Variants in RNF114 observed in about 807,000 individuals in gnomAD.
RNF114 encodes the protein ring finger protein 114, also known as E3 ubiquitin-protein ligase RNF114.
A neutral mutation model predicts 28.4 loss-of-function variants in RNF114; 6 were observed. The observed-to-expected ratio is 0.21, with a 90% CI of 0.12 to 0.42. The LOEUF (loss-of-function observed/expected upper bound fraction) is 0.42, where lower values mean the gene tolerates loss of function less well. RNF114 is among the 10% of genes least tolerant of loss of function. The pLI is 1.00. For missense variants in RNF114, 249 were observed against 311.7 expected (o/e 0.80, Z 1.51); for synonymous variants, 115 against 116.7 (o/e 0.99, Z 0.09).
intron 1 of RNF114, among the ~76,000 whole-genome samples, chr20:49,938,329 A>G (rs549210046): frequency 5.3e-5 from 8 of 152,196 alleles, no homozygotes; most frequent in Admixed American, 3.9e-4. Context: ...GCTCTTCTCT[A>G]TCCTCGCTGT....
intron 5 of RNF114, among the ~76,000 whole-genome samples, chr20:49,950,880 C>T (rs1473688954): frequency 1.3e-5 from 2 of 152,082 alleles, no homozygotes; most frequent in Non-Finnish European, 2.9e-5. Flanking sequence ...AGCTTCTCCA[C>T]CCCCCATGCC....
chr20:49,937,523 C>T (rs1026988806), intron 1 of RNF114, among the ~76,000 whole-genome samples: 1 of 152,122 alleles, frequency 6.6e-6, no homozygotes, highest in Admixed American at 6.6e-5. Flanking sequence ...CACTGAGGGT[C>T]CGAGGCTCTC....
intron 1 of RNF114, among the ~76,000 whole-genome samples, 156 bp from the exon 2 acceptor site, chr20:49,941,405 T>G (rs1380460162): frequency 6.6e-6 from 1 of 152,228 alleles, no homozygotes; most frequent in Non-Finnish European, 1.5e-5. Context: ...TATCCCTCAT[T>G]TTTTCTGGCT....
In RNF114 at chr20:49,952,359, G is replaced by A; in HGVS notation, c.*218G>A. 1.8e-6 allele frequency: 1 copy of A among 555,246 alleles called. No individual in the cohort carries two copies. Among genetic ancestry groups the A allele is most frequent in the Non-Finnish European group, 3.3e-6 (1 of 307,634 alleles). The allele number at this position is 555,246 out of a possible 1,614,324, so 34.4% of individuals were successfully genotyped here. ...GCTGTCTTCCCCTACTGTTAACCTT[G>A]TTTGTCACACGGTCGAGTTCGTATT... On this transcript the variant is annotated 3_prime_UTR_variant, in exon 6 of 6. Transcript: ENST00000244061.
rs370008753 is a variant in RNF114, at chr20:49,953,711, G to A, written c.*1570G>A. The A allele has an allele frequency of 1.3e-5, 2 of 152,092 alleles. No homozygotes were observed. Among genetic ancestry groups the A allele is most frequent in the African/African-American group, 2.4e-5 (1 of 41,410 alleles). The allele number at this position is 152,092 out of a possible 1,614,324, so 9.4% of individuals were successfully genotyped here. A position where few individuals can be genotyped will look rare whatever the true frequency, so the allele number is the denominator to read the frequency against. On this transcript the variant is annotated 3_prime_UTR_variant, in exon 6 of 6. Coordinates refer to ENST00000244061, the MANE Select transcript of RNF114 (RefSeq NM_018683.4). The stretch of plus-strand genomic sequence containing the variant: ...TGGAGGGAAATCTGGCGAAACCTTC[G>A]TTTGAGGGACTGATGTGAGTGTATG...
At chr20:49,948,627 G>A (rs1341695377) in intron 4 of RNF114, among the ~76,000 whole-genome samples, 2 of 151,980 alleles carry the variant, frequency 1.3e-5, no homozygotes, top group Admixed American at 1.3e-4. Flanking sequence ...TAGTAGAGAA[G>A]ATGTTTCACT....
chr20:49,940,930 C>A (rs147872231), intron 1 of RNF114, among the ~76,000 whole-genome samples: 1 of 151,228 alleles, frequency 6.6e-6, no homozygotes, highest in Non-Finnish European at 1.5e-5. Context: ...TTAGTAGAGA[C>A]GGGTTTCACC....
At chr20:49,946,050 C>A in intron 3 of RNF114, 86 bp from the exon 4 acceptor site, 1 of 629,980 alleles carries the variant, frequency 1.6e-6, no homozygotes, top group Non-Finnish European at 2.8e-6. Context: ...GTGAGCTTTG[C>A]TCCTTTTTGG....
At chr20:49,951,661 C>T (rs1263328978) in intron 5 of RNF114, among the ~76,000 whole-genome samples, 3 of 152,170 alleles carry the variant, frequency 2.0e-5, no homozygotes, top group African/African-American at 4.8e-5. Flanking sequence ...GGGTGGATCA[C>T]GAGGTCAAGA....
intron 4 of RNF114, among the ~76,000 whole-genome samples, chr20:49,948,154 A>G (rs2090341665): frequency 6.6e-6 from 1 of 151,936 alleles, no homozygotes; most frequent in Admixed American, 6.6e-5. Flanking sequence ...TTCAGTCTCT[A>G]GTCCCACCCT....
chr20:49,952,325 C>A lies in RNF114; in HGVS notation c.*184C>A. ...TCAGCCCTTCTCTTCCCTTTGGGCT[C>A]TTGCCAAAGCTGTCTTCCCCTACTG... On this transcript the variant is annotated 3_prime_UTR_variant, in exon 6 of 6. Transcript: ENST00000244061. The A allele has an allele frequency of 1.7e-6, 1 of 594,850 alleles. No homozygotes were observed. Among genetic ancestry groups the A allele is most frequent in the Admixed American group, 2.6e-5 (1 of 38,526 alleles). The allele number at this position is 594,850 out of a possible 1,614,324, so 36.8% of individuals were successfully genotyped here.
chr20:49,940,358 C>A (rs1236780789), intron 1 of RNF114, among the ~76,000 whole-genome samples: 1 of 151,250 alleles, frequency 6.6e-6, no homozygotes, highest in Non-Finnish European at 1.5e-5. Flanking sequence ...CTCACACATG[C>A]ACATGAACAC....
intron 4 of RNF114, among the ~76,000 whole-genome samples, chr20:49,948,850 C>G (rs2090345176): frequency 6.6e-6 from 1 of 152,194 alleles, no homozygotes; most frequent in African/African-American, 2.4e-5. Flanking sequence ...CTGAGCATTT[C>G]CTTTGTTAAG....
intron 1 of RNF114, 30 bp downstream of exon 1, chr20:49,936,582 G>A (rs765449692): frequency 5.1e-6 from 8 of 1,574,716 alleles, no homozygotes; most frequent in Non-Finnish European, 6.9e-6. Context: ...CTGGTCGGGG[G>A]GCGCTTAACT....
chr20:49,937,018 A>C (rs993200103), intron 1 of RNF114, among the ~76,000 whole-genome samples: 2 of 152,148 alleles, frequency 1.3e-5, no homozygotes, highest in African/African-American at 2.4e-5. Context: ...CTAAAACAAC[A>C]AAAGGGAAGT....
rs2090362987 is a variant in RNF114 at position 49,953,290 on chromosome 20, C to T, written c.*1149C>T. 6.6e-6 allele frequency: 1 copy of T among 152,102 alleles called. No individual in the cohort carries two copies. The allele number at this position is 152,102 out of a possible 1,614,324, so 9.4% of individuals were successfully genotyped here. On this transcript the variant is annotated 3_prime_UTR_variant, in exon 6 of 6. Transcript: ENST00000244061. ...GAACAGTTGTTAATAAAAGCTGTTG[C>T]TGGAAACTTGCTTTAGGAACAGCTC... is the stretch of plus-strand genomic sequence containing the variant.
chr20:49,945,340 A>G, intron 2 of RNF114, 42 bp from the exon 3 acceptor site: 1 of 1,311,618 alleles, frequency 7.6e-7, no homozygotes, highest in East Asian at 2.3e-5. Flanking sequence ...GCCTGTTGCA[A>G]GGTCCTCACT....
chr20:49,949,064 A>G lies in RNF114; in HGVS notation c.514-184A>G, dbSNP rs191945432. Reference sequence around the variant, plus strand: ...TGAACTTTACCCAGTCCCACGTGTCATTTGACTTGAGCTGGAAATTTGCAG... The same window carrying G: ...TGAACTTTACCCAGTCCCACGTGTCGTTTGACTTGAGCTGGAAATTTGCAG... On this transcript the variant is annotated intron_variant, in intron 4 of 5. Coordinates refer to ENST00000244061, the MANE Select transcript of RNF114 (RefSeq NM_018683.4). Among the ~76,000 whole-genome samples, 3 of 152,288 alleles carry G rather than the reference A, an allele frequency of 2.0e-5. No individual in the cohort carries two copies. In the East Asian group the frequency reaches 5.8e-4, roughly 29 times the overall value.
At chr20:49,951,804 G>C in intron 5 of RNF114, among the ~76,000 whole-genome samples, 1 of 152,202 alleles carries the variant, frequency 6.6e-6, no homozygotes, top group Non-Finnish European at 1.5e-5. Context: ...ACTTGAACCT[G>C]GGAGGCAGAG....
Sources: gnomAD v4.1 joint callset for allele counts (sites outside exome capture counted in the v4.1 genomes callset) on GRCh38, gnomAD v4.1.1 for gene constraint, MANE v1.5 for transcripts, NCBI Gene and HGNC (gene_info 2026-07-23, HGNC 2026-07-21) for gene names.